SLC31A1: variants seen among roughly 807,000 people sequenced by gnomAD.
SLC31A1 encodes the protein high affinity copper uptake protein 1.
SLC31A1 carries 5 observed loss-of-function variants against 17.2 expected under a neutral mutation model. The observed-to-expected ratio is 0.29, with a 90% CI of 0.15 to 0.61. The LOEUF (loss-of-function observed/expected upper bound fraction) is 0.61. Ranked by LOEUF, SLC31A1 falls within the 20% of genes least tolerant of loss-of-function variation. SLC31A1 has a pLI of 0.86. For missense variants in SLC31A1, 161 were observed against 241.4 expected, an observed-to-expected ratio of 0.67 and a Z score of 2.21; for synonymous variants, 76 against 78.8, an observed-to-expected ratio of 0.96 and a Z score of 0.19.
At chr9:113,239,974 A>T (rs1466459314) in intron 1 of SLC31A1, among the ~76,000 whole-genome samples, 1 of 152,160 alleles carries the variant, frequency 6.6e-6, no homozygotes, top group Admixed American at 6.5e-5. Flanking sequence ...ACTAACCTTG[A>T]TCCCTTATTT....
At chr9:113,242,538 G>A (rs1441188982) in intron 1 of SLC31A1, among the ~76,000 whole-genome samples, 1 of 152,072 alleles carries the variant, frequency 6.6e-6, no homozygotes, top group Admixed American at 6.6e-5. Context: ...CTCAGTAGCT[G>A]ACACTACAAG....
At chr9:113,228,555 A>G (rs1831367200) in intron 1 of SLC31A1, among the ~76,000 whole-genome samples, 1 of 152,250 alleles carries the variant, frequency 6.6e-6, no homozygotes, top group African/African-American at 2.4e-5. Context: ...GTAGTTGTAC[A>G]CTTGATCTTC....
intron 1 of SLC31A1, among the ~76,000 whole-genome samples, chr9:113,222,976 G>A (rs568472152): frequency 6.6e-6 from 1 of 152,152 alleles, no homozygotes; most frequent in Non-Finnish European, 1.5e-5. Context: ...TTTTTAACAT[G>A]GAATGAATAC....
Position 113,228,092 on chromosome 9 carries a change from T to G in SLC31A1, c.-36+6414T>G, listed in dbSNP as rs530466000. ...CAGCGTAGGTATTTTAATATCTGTT[T>G]TGCAAATTTTGCAAATTTTGGTGAT... On this transcript the variant is annotated intron_variant, in intron 1 of 4. Transcript: ENST00000374212. Among the ~76,000 whole-genome samples the G allele has an allele frequency of 2.0e-5, 3 of 152,334 alleles. No homozygotes were observed. In the East Asian group the frequency reaches 5.8e-4, roughly 29 times the overall value.
At position 113,261,567 on chromosome 9, in the gene SLC31A1, G is replaced by A. The variant is rs1387214878; in HGVS notation, c.*1094G>A. ...CAGTTTACTTTGTCTTGATACCTTGGTTTGTCCCAGCTGAAGTGAAGCAAG... is the reference window on the plus strand; with the variant it reads ...CAGTTTACTTTGTCTTGATACCTTGATTTGTCCCAGCTGAAGTGAAGCAAG... On this transcript the variant is annotated 3_prime_UTR_variant, in exon 5 of 5. Transcript: ENST00000374212. The A allele has an allele frequency of 1.3e-5, 2 of 152,592 alleles. No homozygotes were observed. The highest frequency in any genetic ancestry group is 4.8e-5 in the African/African-American group (2 of 41,448). 9.5% of individuals were successfully genotyped at this position (152,592 alleles called of 1,614,324 possible).
chr9:113,236,049 G>T (rs771735391), intron 1 of SLC31A1, among the ~76,000 whole-genome samples: 10 of 152,174 alleles, frequency 6.6e-5, no homozygotes, highest in Non-Finnish European at 1.2e-4. Flanking sequence ...GTGCAGTGGC[G>T]CAATCTCGGC....
At chr9:113,256,320 C>T (rs1333577496) in intron 2 of SLC31A1, 43 bp downstream of exon 2, 2 of 1,608,190 alleles carry the variant, frequency 1.2e-6, no homozygotes, top group Non-Finnish European at 1.7e-6. Flanking sequence ...TTCCCACCCA[C>T]TTGGGTAATA....
At chr9:113,246,297 A>G (rs1831577351) in intron 1 of SLC31A1, among the ~76,000 whole-genome samples, 2 of 151,806 alleles carry the variant, frequency 1.3e-5, no homozygotes, top group Non-Finnish European at 2.9e-5. Flanking sequence ...TGCCTGCCTC[A>G]GCTTCCCAAA....
At chr9:113,245,263 T>C (rs912331844) in intron 1 of SLC31A1, among the ~76,000 whole-genome samples, 1 of 152,208 alleles carries the variant, frequency 6.6e-6, no homozygotes, top group African/African-American at 2.4e-5. Flanking sequence ...TTTTTTGTTT[T>C]TCTTAGTAGA....
At position 113,221,678 on chromosome 9, in the gene SLC31A1, G is replaced by T; in HGVS notation, c.-36G>T. 3.3e-6 allele frequency: 1 copy of T among 303,060 alleles called. No homozygotes were observed. The highest frequency in any genetic ancestry group is 6.5e-6 in the Non-Finnish European group (1 of 153,926). The allele number at this position is 303,060 out of a possible 1,614,324, so 18.8% of individuals were successfully genotyped here. On this transcript the variant is annotated splice_region_variant and 5_prime_UTR_variant, in exon 1 of 5. Coordinates refer to ENST00000374212, the MANE Select transcript of SLC31A1 (RefSeq NM_001859.4). Reference sequence around the variant, plus strand: ...CTAGTGGCTGGACTTGACCTGGAAAGGTAAGGCTTCTCTCGGCCCCTCTTT... The same window carrying T: ...CTAGTGGCTGGACTTGACCTGGAAATGTAAGGCTTCTCTCGGCCCCTCTTT...
chr9:113,248,073 T>G (rs1033130895), intron 1 of SLC31A1, among the ~76,000 whole-genome samples: 1 of 152,022 alleles, frequency 6.6e-6, no homozygotes, highest in Non-Finnish European at 1.5e-5. Context: ...AATCCCAGCA[T>G]TTTGGGAGGC....
In SLC31A1 at chr9:113,260,333, A is replaced by G; in HGVS notation, c.433A>G (p.Ile145Val). Residue 145 changes from isoleucine to valine, a missense_variant, in exon 5 of 5, where the codon ATA becomes GTA. Physicochemically the swap from Ile to Val is conservative, Grantham distance 29. Transcript: ENST00000374212. ...AGTGCTGCACATCATCCAGGTGGTC[A>G]TAAGCTACTTCCTCATGCTCATCTT... ...QTVLHIIQVV[I>V]SYFLMLIFMT... The G allele has an allele frequency of 6.2e-7, 1 of 1,614,228 alleles. No individual in the cohort carries two copies. The highest frequency in any genetic ancestry group is 8.5e-7 in the Non-Finnish European group (1 of 1,180,048).
At chr9:113,228,944 T>A (rs1195753295) in intron 1 of SLC31A1, among the ~76,000 whole-genome samples, 2 of 152,108 alleles carry the variant, frequency 1.3e-5, no homozygotes, top group Non-Finnish European at 2.9e-5. Context: ...CCTCCTGGGT[T>A]CAAGTGATTC....
intron 1 of SLC31A1, among the ~76,000 whole-genome samples, chr9:113,247,360 G>A (rs1168659902): frequency 6.6e-6 from 1 of 152,174 alleles, no homozygotes; most frequent in African/African-American, 2.4e-5. Flanking sequence ...ATATCTGTCT[G>A]AGCTAGAGAA....
rs1027288818 is a variant in SLC31A1 at position 113,252,961 on chromosome 9, T to C, written c.-35-3153T>C. Among the ~76,000 whole-genome samples, 2 of 138,592 alleles carry C rather than the reference T, an allele frequency of 1.4e-5. 1 individual carries two copies. The highest frequency in any genetic ancestry group is 1.4e-4 in the Admixed American group (2 of 14,000). The allele number at this position is 138,592 out of a possible 152,430, so 90.9% of individuals were successfully genotyped here. A position where few individuals can be genotyped will look rare whatever the true frequency, so the allele number is the denominator to read the frequency against. The stretch of plus-strand genomic sequence containing the variant: ...CTTTTCTTTTCTTTTTTTCTTTTTT[T>C]TTTTTTTTTTGAGACGGAGTCTTGC... On this transcript the variant is annotated intron_variant, in intron 1 of 4. Transcript: ENST00000374212.
At chr9:113,251,014 C>A (rs1831646032) in intron 1 of SLC31A1, among the ~76,000 whole-genome samples, 1 of 152,142 alleles carries the variant, frequency 6.6e-6, no homozygotes, top group Admixed American at 6.5e-5. Flanking sequence ...CTTGGACTGT[C>A]CAGTCACCAG....
rs1489977194 is a variant in SLC31A1, at chr9:113,258,956, A to C, written c.371+94A>C. On this transcript the variant is annotated intron_variant, in intron 4 of 4. Coordinates refer to ENST00000374212, the MANE Select transcript of SLC31A1 (RefSeq NM_001859.4). This position sits in a 1 kb window ranked among gnomAD's most constrained non-coding sequence, Gnocchi z 4.8. ...GTGATCAGCAGCAGCCCTCTTCTTGAGTTAGGAGTTCTGTATGACCTTGAT... is the reference window on the plus strand; with the variant it reads ...GTGATCAGCAGCAGCCCTCTTCTTGCGTTAGGAGTTCTGTATGACCTTGAT... The C allele has an allele frequency of 4.6e-6, 6 of 1,313,092 alleles. No individual in the cohort carries two copies. Among genetic ancestry groups the C allele is most frequent in the Non-Finnish European group, 6.6e-6 (6 of 910,740 alleles). The allele number at this position is 1,313,092 out of a possible 1,614,324, so 81.3% of individuals were successfully genotyped here.
chr9:113,256,041 T>C, intron 1 of SLC31A1, 73 bp from the exon 2 acceptor site: 1 of 1,148,704 alleles, frequency 8.7e-7, no homozygotes. Context: ...CAAGATTCCA[T>C]CTCTAAAAAT....
At chr9:113,232,706 T>C (rs1587988297) in intron 1 of SLC31A1, among the ~76,000 whole-genome samples, 1 of 147,576 alleles carries the variant, frequency 6.8e-6, no homozygotes, top group Non-Finnish European at 1.5e-5. Context: ...TAGTCAGGTG[T>C]GGTGGCGGGC....
Sources: allele counts gnomAD v4.1 joint callset (sites outside exome capture counted in the v4.1 genomes callset), GRCh38; gene constraint gnomAD v4.1.1; non-coding constraint Gnocchi (gnomAD v3.1); transcripts MANE v1.5; gene names NCBI Gene and HGNC (gene_info 2026-07-23, HGNC 2026-07-21).